FRMPD4: variants seen among roughly 807,000 people sequenced by gnomAD.
FRMPD4 encodes FERM and PDZ domain-containing protein 4.
FRMPD4 carries 22 observed loss-of-function variants against 94.1 expected under a neutral mutation model. The ratio of observed to expected loss-of-function variants is 0.23; its 90% CI spans 0.17 to 0.33. The LOEUF is 0.33. Among genes scored for constraint, FRMPD4 ranks in the 10% least tolerant of loss-of-function variants. FRMPD4 has a pLI of 1.00. For synonymous variants in FRMPD4, 631 were observed against 548.6 expected, an observed-to-expected ratio of 1.15 and a Z score of -2.10; for missense variants, 1,111 against 1,339.9, an observed-to-expected ratio of 0.83 and a Z score of 2.67.
intron 1 of FRMPD4, among the ~76,000 whole-genome samples, chrX:12,151,440 A>C: frequency 9.0e-6 from 1 of 111,594 alleles, no homozygotes; most frequent in Non-Finnish European, 1.9e-5. Flanking sequence ...TTACCAAGTA[A>C]AAAATAAACT....
intron 1 of FRMPD4, among the ~76,000 whole-genome samples, chrX:12,177,708 C>T (rs1458930791): frequency 2.7e-5 from 3 of 111,848 alleles, no homozygotes. Flanking sequence ...CAAATGTTTA[C>T]GGAACTTATT....
At chrX:12,309,822 T>C (rs755788260) in intron 1 of FRMPD4, among the ~76,000 whole-genome samples, 1 of 112,830 alleles carries the variant, frequency 8.9e-6, no homozygotes, top group South Asian at 3.7e-4. Context: ...CATCCTTGCA[T>C]TGTGTCCTGG....
intron 4 of FRMPD4, among the ~76,000 whole-genome samples, chrX:12,642,022 A>G (rs2059504248): frequency 9.0e-6 from 1 of 110,629 alleles, no homozygotes; most frequent in Admixed American, 9.7e-5. Flanking sequence ...AAGGCAAGTA[A>G]GTATTATTTT....
chrX:12,031,298 T>C (rs771415891), intron 3 of FRMPD4, among the ~76,000 whole-genome samples: 6 of 112,255 alleles, frequency 5.3e-5, no homozygotes, highest in Admixed American at 2.8e-4. Context: ...GTGTTATTTA[T>C]AAGAATCTTC....
At chrX:12,000,770 C>A (rs1170637618) in intron 3 of FRMPD4, among the ~76,000 whole-genome samples, 1 of 111,840 alleles carries the variant, frequency 8.9e-6, no homozygotes, top group Non-Finnish European at 1.9e-5. Context: ...CCTCTGGCTA[C>A]CTTCTTTATC....
intron 2 of FRMPD4, among the ~76,000 whole-genome samples, chrX:12,529,871 C>T (rs1295577113): frequency 2.1e-5 from 2 of 94,532 alleles, no homozygotes; most frequent in African/African-American, 8.3e-5. Flanking sequence ...TTTCCTGGTT[C>T]AGAGATGACA....
rs982186684 is a variant in FRMPD4 at position 12,219,365 on chromosome X, A to C, written c.41+80353A>C. On this transcript the variant is annotated intron_variant, in intron 1 of 16. Transcript: ENST00000675598. Reference sequence around the variant, plus strand: ...GGGTGACAAACTAAGACCCTGTCCCAAAAAAAAAGACAAAGAAAAGATTAT... The same window carrying C: ...GGGTGACAAACTAAGACCCTGTCCCCAAAAAAAAGACAAAGAAAAGATTAT... 7.3e-5 allele frequency among the ~76,000 whole-genome samples: 8 copies of C among 109,964 alleles called. No homozygotes were observed. In the South Asian group the frequency reaches 1.2e-3, roughly 16 times the overall value.
In FRMPD4 at chrX:12,718,025, ACT is replaced by A. The variant is rs1468731076; in HGVS notation, c.3200_3201del (p.Thr1067SerfsTer13). On this transcript the variant is annotated frameshift_variant, in exon 16 of 17. Coordinates refer to ENST00000675598, the MANE Select transcript of FRMPD4 (RefSeq NM_001368397.1). LOFTEE classifies it high-confidence loss of function. ...MEEEASGKFG[T>X]VSSRDSQHLS... The stretch of plus-strand genomic sequence containing the variant: ...GGAGGAGGCCAGTGGTAAATTTGGT[ACT>A]GTGTCTTCACGAGACAGTCAACACC... 1 of 1,210,423 alleles carries A rather than the reference ACT, an allele frequency of 8.3e-7. No homozygotes were observed. Among genetic ancestry groups the A allele is most frequent in the Non-Finnish European group, 1.1e-6 (1 of 895,104 alleles).
intron 1 of FRMPD4, among the ~76,000 whole-genome samples, chrX:12,457,506 T>C (rs932770060): frequency 2.3e-4 from 26 of 111,835 alleles, no homozygotes; most frequent in African/African-American, 8.1e-4. Flanking sequence ...TCATGAATAC[T>C]ACATACGGTA....
intron 1 of FRMPD4, among the ~76,000 whole-genome samples, chrX:12,338,085 G>A (rs1472884485): frequency 1.8e-5 from 2 of 111,908 alleles, no homozygotes; most frequent in Non-Finnish European, 3.8e-5. Flanking sequence ...AGTATGAAGG[G>A]GAGCTTCCTT....
chrX:12,637,863 T>C (rs2059457137), intron 4 of FRMPD4, among the ~76,000 whole-genome samples: 7 of 112,355 alleles, frequency 6.2e-5, no homozygotes. Flanking sequence ...CTGCATTTCA[T>C]TTTACATGCA....
intron 4 of FRMPD4, among the ~76,000 whole-genome samples, chrX:12,651,278 A>G (rs1311273353): frequency 9.0e-6 from 1 of 110,522 alleles, no homozygotes; most frequent in Non-Finnish European, 1.9e-5. Flanking sequence ...TATTTCTTGC[A>G]TCCTTGAATT....
chrX:12,280,277 T>TAATAATAATAAA (rs1171955552), intron 1 of FRMPD4, among the ~76,000 whole-genome samples: 18 of 106,665 alleles, frequency 1.7e-4, no homozygotes, highest in Non-Finnish European at 2.3e-4. Flanking sequence ...ATAATAATAA[T>TAATAATAATAAA]AAAACCAAGT....
chrX:12,303,017 A>G (rs763213345), intron 1 of FRMPD4, among the ~76,000 whole-genome samples: 32 of 111,552 alleles, frequency 2.9e-4, no homozygotes, highest in Non-Finnish European at 5.5e-4. Context: ...AAGGTCTTCA[A>G]ATAGCCCCAA....
intron 1 of FRMPD4, among the ~76,000 whole-genome samples, chrX:11,859,708 C>T (rs978845751): frequency 8.9e-6 from 1 of 111,976 alleles, no homozygotes; most frequent in Admixed American, 9.5e-5. Flanking sequence ...TGGGTTATTT[C>T]TACCATCCTG....
rs2042242363 is a variant in FRMPD4, at chrX:12,721,651, C to T, written c.5082C>T (p.Val1694=). The T allele has an allele frequency of 2.7e-6, 2 of 751,106 alleles. No individual in the cohort carries two copies. The highest frequency in any genetic ancestry group is 2.3e-5 in the African/African-American group (1 of 43,053). 61.9% of individuals were successfully genotyped at this position (751,106 alleles called of 1,213,427 possible). ...LTEACMRLVK[V]VNSETQRQEI... is the part of the protein sequence containing the mutation. ...AAGCTTGCATGCGATTAGTTAAAGT[C>T]GTGAACTCAGAAACACAGCGGCAGG... The change falls in exon 17 of 17, where the codon GTC becomes GTT. Residue 1694 remains valine (V), a synonymous_variant. Transcript: ENST00000675598.
chrX:12,142,858 C>T (rs978353201), intron 1 of FRMPD4, among the ~76,000 whole-genome samples: 7 of 111,804 alleles, frequency 6.3e-5, no homozygotes, highest in Non-Finnish European at 1.3e-4. Context: ...TACAGACTGA[C>T]AGCTGCAGTG....
At chrX:11,867,781 C>A (rs2053730152) in intron 2 of FRMPD4, among the ~76,000 whole-genome samples, 1 of 111,127 alleles carries the variant, frequency 9.0e-6, no homozygotes, top group East Asian at 2.8e-4. Flanking sequence ...GTTGTGACCT[C>A]ATCTCACACC....
intron 1 of FRMPD4, among the ~76,000 whole-genome samples, chrX:12,386,395 G>T (rs973945750): frequency 2.7e-4 from 30 of 112,159 alleles, no homozygotes; most frequent in African/African-American, 9.7e-4. Flanking sequence ...AAAGTATGTG[G>T]ATGGATTGAT....
Sources: allele counts gnomAD v4.1 joint callset (sites outside exome capture counted in the v4.1 genomes callset), GRCh38; gene constraint gnomAD v4.1.1; transcripts MANE v1.5; gene names NCBI Gene and HGNC (gene_info 2026-07-23, HGNC 2026-07-21).